The following PCDH9 variants were observed in gnomAD, a reference collection of about 807,000 sequenced individuals.
PCDH9 encodes protocadherin-9.
A neutral mutation model predicts 70.6 loss-of-function variants in PCDH9; 24 were observed. The observed-to-expected ratio is 0.34, with a 90% CI of 0.25 to 0.48. The LOEUF is 0.48. Ranked by LOEUF, PCDH9 falls within the 20% of genes least tolerant of loss-of-function variation. The pLI is 0.99. For synonymous variants in PCDH9, 562 were observed against 558.5 expected, an observed-to-expected ratio of 1.01 and a Z score of -0.09; for missense variants, 1,281 against 1,503.6, an observed-to-expected ratio of 0.85 and a Z score of 2.45.
intron 3 of PCDH9, among the ~76,000 whole-genome samples, chr13:66,785,580 C>CA (rs2080066919): frequency 6.6e-6 from 1 of 151,960 alleles, no homozygotes; most frequent in South Asian, 2.1e-4. Context: ...TCATTATTTT[C>CA]AATCTGCTTC....
At chr13:66,875,427 G>A (rs969765951) in intron 3 of PCDH9, among the ~76,000 whole-genome samples, 15 of 152,188 alleles carry the variant, frequency 9.9e-5, no homozygotes, top group Non-Finnish European at 1.6e-4. Flanking sequence ...TGTGCATCCC[G>A]CTGTTAGGTA....
Position 66,642,698 on chromosome 13 carries a change from T to A in PCDH9, c.3139-11287A>T, listed in dbSNP as rs1301699650. 4.6e-5 allele frequency among the ~76,000 whole-genome samples: 7 copies of A among 152,050 alleles called. No individual in the cohort carries two copies. The East Asian group carries it at 9.7e-4, about 21-fold the overall frequency. On this transcript the variant is annotated intron_variant, in intron 3 of 4. Coordinates refer to ENST00000377865, the MANE Select transcript of PCDH9 (RefSeq NM_203487.3). ...ATTAGAAGTAGTGAACAGTATTTTT[T>A]AAAAAAAGAAATCATAAAGTAAAAA... is the stretch of plus-strand genomic sequence containing the variant.
chr13:66,582,788 T>C (rs2076910892), intron 4 of PCDH9, among the ~76,000 whole-genome samples: 1 of 152,190 alleles, frequency 6.6e-6, no homozygotes, highest in Non-Finnish European at 1.5e-5. Context: ...AGATTATATT[T>C]CATAAGCATT....
intron 2 of PCDH9, among the ~76,000 whole-genome samples, chr13:67,091,496 T>C (rs1354582417): frequency 2.0e-5 from 3 of 152,148 alleles, no homozygotes; most frequent in African/African-American, 7.2e-5. Flanking sequence ...GTTCTCTTAC[T>C]GTTACATGTA....
chr13:66,891,469 T>C (rs1296719763), intron 3 of PCDH9, among the ~76,000 whole-genome samples: 1 of 152,056 alleles, frequency 6.6e-6, no homozygotes, highest in Non-Finnish European at 1.5e-5. Context: ...TGCCTACAAA[T>C]TGCTTAAAAC....
chr13:66,750,260 A>G (rs76943422), intron 3 of PCDH9, among the ~76,000 whole-genome samples: 2,982 of 152,330 alleles, frequency 0.02, 51 homozygotes, highest in South Asian at 0.049. Context: ...AAATTAGTTA[A>G]TTATCAAACA....
intron 4 of PCDH9, among the ~76,000 whole-genome samples, chr13:66,442,864 T>C (rs1413882358): frequency 6.6e-6 from 1 of 152,206 alleles, no homozygotes; most frequent in African/African-American, 2.4e-5. Context: ...AGAATACTTA[T>C]TAAACACCTA....
rs969748730 is a variant in PCDH9, at chr13:66,922,430, A to G, written c.3037-18825T>C. The stretch of plus-strand genomic sequence containing the variant: ...GACAACTGTAGTACACTTTGCTTCC[A>G]AATGGACAGGAGAGCTAACTCAAGG... On this transcript the variant is annotated intron_variant, in intron 2 of 4. Transcript: ENST00000377865. 8.6e-5 allele frequency among the ~76,000 whole-genome samples: 13 copies of G among 151,388 alleles called. 1 individual carries two copies.
At chr13:66,486,498 T>C (rs956489793) in intron 4 of PCDH9, among the ~76,000 whole-genome samples, 1 of 151,944 alleles carries the variant, frequency 6.6e-6, no homozygotes, top group Non-Finnish European at 1.5e-5. Flanking sequence ...TAGCCAGGCA[T>C]GATGGCATAT....
chr13:66,636,832 T>C (rs1279374533), intron 3 of PCDH9, among the ~76,000 whole-genome samples: 2 of 151,912 alleles, frequency 1.3e-5, no homozygotes, highest in East Asian at 3.9e-4. Context: ...TACAAAACCA[T>C]GGTAAAATTT....
chr13:66,353,851 G>A (rs1464881398), intron 4 of PCDH9, among the ~76,000 whole-genome samples: 1 of 152,044 alleles, frequency 6.6e-6, no homozygotes, highest in Non-Finnish European at 1.5e-5. Context: ...CCAGCAACCA[G>A]TAAAGAGAAA....
chr13:67,173,780 C>T (rs2088364427), intron 2 of PCDH9, among the ~76,000 whole-genome samples: 1 of 152,096 alleles, frequency 6.6e-6, no homozygotes, highest in East Asian at 1.9e-4. Flanking sequence ...AGCTAAAAGA[C>T]AAAAATAAAA....
rs1337705998 is a variant in PCDH9, at chr13:66,724,944, A to C, written c.3139-93533T>G. The stretch of plus-strand genomic sequence containing the variant: ...TGGGTAGTCATTATACAGTTCAACC[A>C]ATGTTTGAGATTTAAATATTACATA... On this transcript the variant is annotated intron_variant, in intron 3 of 4. Transcript: ENST00000377865. Among the ~76,000 whole-genome samples, 3 of 152,264 alleles carry C rather than the reference A, an allele frequency of 2.0e-5. No individual in the cohort carries two copies. The South Asian group carries it at 6.2e-4, about 32-fold the overall frequency.
chr13:66,735,927 G>A (rs1476914693), intron 3 of PCDH9, among the ~76,000 whole-genome samples: 1 of 151,620 alleles, frequency 6.6e-6, no homozygotes, highest in Non-Finnish European at 1.5e-5. Flanking sequence ...TTGTGCCACT[G>A]CACTCCAGCC....
intron 3 of PCDH9, among the ~76,000 whole-genome samples, chr13:66,849,875 G>T (rs979151136): frequency 6.6e-6 from 1 of 152,094 alleles, no homozygotes; most frequent in African/African-American, 2.4e-5. Context: ...CTTGGTGCTG[G>T]CACATTAGCA....
intron 2 of PCDH9, among the ~76,000 whole-genome samples, chr13:67,155,372 G>C (rs753054348): frequency 8.5e-5 from 13 of 152,288 alleles, no homozygotes; most frequent in Admixed American, 5.2e-4. Context: ...GTGGTCAGTT[G>C]ATATTACTGT....
rs151285423 is a variant in PCDH9, at chr13:66,385,917, G to C, written c.3341-80889C>G. Among the ~76,000 whole-genome samples, 359 of 151,878 alleles carry C rather than the reference G, an allele frequency of 2.4e-3. 2 individuals are homozygous for C. Among genetic ancestry groups the C allele is most frequent in the African/African-American group, 7.9e-3 (326 of 41,446 alleles). Reference sequence around the variant, plus strand: ...AGAATGTAAAAGCCTTCGGTGGACAGGCATGTATTTGTGTTTAACGTAGCA... The same window carrying C: ...AGAATGTAAAAGCCTTCGGTGGACACGCATGTATTTGTGTTTAACGTAGCA... On this transcript the variant is annotated intron_variant, in intron 4 of 4. Coordinates refer to ENST00000377865, the MANE Select transcript of PCDH9 (RefSeq NM_203487.3).
At chr13:66,807,196 T>C (rs924076534) in intron 3 of PCDH9, among the ~76,000 whole-genome samples, 3 of 152,182 alleles carry the variant, frequency 2.0e-5, no homozygotes, top group Admixed American at 2.0e-4. Context: ...GATTACTTAA[T>C]ATCATAAGCT....
intron 3 of PCDH9, among the ~76,000 whole-genome samples, chr13:66,805,866 A>G (rs1215468099): frequency 6.6e-6 from 1 of 152,154 alleles, no homozygotes; most frequent in East Asian, 1.9e-4. Flanking sequence ...CAAATACCAC[A>G]GTAGTTCATA....
Sources: gnomAD v4.1 joint callset for allele counts (sites outside exome capture counted in the v4.1 genomes callset) on GRCh38, gnomAD v4.1.1 for gene constraint, MANE v1.5 for transcripts, NCBI Gene and HGNC (gene_info 2026-07-23, HGNC 2026-07-21) for gene names.